Variants in GRIN1 observed in about 807,000 individuals in gnomAD.
The protein encoded by GRIN1 is glutamate receptor ionotropic, NMDA 1.
Under a neutral mutation model 103.0 loss-of-function variants are expected in GRIN1, and 38 were observed. The observed-to-expected ratio is 0.37, with a 90% CI of 0.28 to 0.48. The LOEUF is 0.48. Among genes scored for constraint, GRIN1 ranks in the 20% least tolerant of loss-of-function variants. The pLI is 0.98. For synonymous variants in GRIN1, 544 were observed against 532.7 expected (o/e 1.02, Z -0.29); for missense variants, 577 against 1,288.9 (o/e 0.45, Z 8.46).
chr9:137,153,160 CATA>C (rs1362254686), intron 4 of GRIN1, among the ~76,000 whole-genome samples: 1 of 151,946 alleles, frequency 6.6e-6, no homozygotes, highest in East Asian at 1.9e-4. Context: ...TCACACCACT[CATA>C]GATCTCTACC....
intron 3 of GRIN1, among the ~76,000 whole-genome samples, chr9:137,147,957 G>T (rs1487725105): frequency 6.6e-6 from 1 of 151,854 alleles, no homozygotes. Context: ...CCACGGCCCC[G>T]CCCCTACGAC....
Position 137,165,491 on chromosome 9 carries a change from T to C in GRIN1, c.2700+195T>C, listed in dbSNP as rs551524425. The C allele has an allele frequency of 2.1e-5, 13 of 625,182 alleles. No individual in the cohort carries two copies. The East Asian group carries it at 3.6e-4, about 18-fold the overall frequency. The allele number at this position is 625,182 out of a possible 1,614,324, so 38.7% of individuals were successfully genotyped here. A position where few individuals can be genotyped will look rare whatever the true frequency, so the allele number is the denominator to read the frequency against. ...TCTGGACCTTTCTCCCCGGCCCTCC[T>C]GGGTCCTCGGCTTTCCCCGTGTGTC... is the stretch of plus-strand genomic sequence containing the variant. On this transcript the variant is annotated intron_variant, in intron 19 of 19. Transcript: ENST00000371561.
intron 4 of GRIN1, among the ~76,000 whole-genome samples, chr9:137,151,579 C>A (rs530744707): frequency 1.4e-4 from 21 of 151,800 alleles, no homozygotes; most frequent in East Asian, 5.8e-4. Flanking sequence ...AGGGAAAGCC[C>A]CACCCAGTGA....
At chr9:137,150,133 C>T (rs1333184725) in intron 4 of GRIN1, among the ~76,000 whole-genome samples, 4 of 152,180 alleles carry the variant, frequency 2.6e-5, no homozygotes, top group African/African-American at 4.8e-5. Flanking sequence ...CACTAATCGT[C>T]CCCCATTACG....
Position 137,145,840 on chromosome 9 carries a change from G to T in GRIN1, c.508G>T (p.Asp170Tyr). ...WNHIILLVSD[D>Y]HEGRAAQKRL... ...CCACATCATCCTGCTGGTCAGCGAC[G>T]ACCACGAGGGCCGGGCGGCTCAGAA... is the stretch of plus-strand genomic sequence containing the variant. The change falls in exon 3 of 20, where the codon GAC becomes TAC. Residue 170 changes from aspartate to tyrosine, a missense_variant. Asp to Tyr is a radical substitution (Grantham distance 160). Coordinates refer to ENST00000371561, the MANE Select transcript of GRIN1 (RefSeq NM_007327.4). 6.2e-7 allele frequency: 1 copy of T among 1,612,242 alleles called. No homozygotes were observed. Among genetic ancestry groups the T allele is most frequent in the South Asian group, 1.1e-5 (1 of 90,702 alleles).
chr9:137,156,942 C>G lies in GRIN1; in HGVS notation c.873C>G (p.Ala291=). The part of the protein sequence containing the change: ...ISDAVGVVAQ[A]VHELLEKENI... Reference sequence around the variant, plus strand: ...ACGCCGTGGGCGTGGTGGCCCAGGCCGTGCACGAGCTCCTCGAGAAGGAGA... The same window carrying G: ...ACGCCGTGGGCGTGGTGGCCCAGGCGGTGCACGAGCTCCTCGAGAAGGAGA... The change falls in exon 6 of 20, where the codon GCC becomes GCG. Residue 291 remains alanine, a synonymous_variant. Coordinates refer to ENST00000371561, the MANE Select transcript of GRIN1 (RefSeq NM_007327.4). 6.2e-7 allele frequency: 1 copy of G among 1,612,116 alleles called. No individual in the cohort carries two copies. The highest frequency in any genetic ancestry group is 8.5e-7 in the Non-Finnish European group (1 of 1,179,790).
intron 2 of GRIN1, among the ~76,000 whole-genome samples, chr9:137,144,785 GGT>G (rs1832413395): frequency 1.6e-4 from 2 of 12,606 alleles, no homozygotes; most frequent in Non-Finnish European, 2.9e-4. Flanking sequence ...GTGTCCCCAG[GGT>G]GGTAGGGACA....
At chr9:137,161,880 G>C in intron 10 of GRIN1, 44 bp from the exon 11 acceptor site, 1 of 1,543,870 alleles carries the variant, frequency 6.5e-7, no homozygotes, top group Non-Finnish European at 8.7e-7. Flanking sequence ...GGCGGGAGCT[G>C]GGAGGACGCT....
chr9:137,142,229 C>G (rs1056522179), intron 2 of GRIN1, 82 bp downstream of exon 2: 1 of 1,424,534 alleles, frequency 7.0e-7, no homozygotes, highest in African/African-American at 1.4e-5. Context: ...CGGGCCGACC[C>G]GCTCACATGG....
At chr9:137,165,709 C>G (rs900875883) in intron 19 of GRIN1, among the ~76,000 whole-genome samples, 7 of 152,230 alleles carry the variant, frequency 4.6e-5, no homozygotes, top group African/African-American at 1.7e-4. Context: ...GTCCCCGTTT[C>G]TCTCGCCTCT....
rs1338045893 is a variant in GRIN1 at position 137,139,696 on chromosome 9, C to A, written c.210C>A (p.Asn70Lys). The change falls in exon 1 of 20, where the codon AAC becomes AAA. Residue 70 changes from asparagine (N) to lysine (K), a missense_variant. This residue lies in a region of GRIN1 where 308 missense variants were observed against 553.6 expected (regional missense o/e 0.56). Coordinates refer to ENST00000371561, the MANE Select transcript of GRIN1 (RefSeq NM_007327.4). The surrounding 1 kb of genome is among the most constrained non-coding windows in gnomAD (Gnocchi z 7.7). ...LNATSVTHKP[N>K]AIQMALSVCE... is the part of the protein sequence containing the mutation. ...CCACCTCCGTCACGCACAAGCCCAACGCCATCCAGATGGCTCTGTCGGTGT... is the reference window on the plus strand; with the variant it reads ...CCACCTCCGTCACGCACAAGCCCAAAGCCATCCAGATGGCTCTGTCGGTGT... The A allele has an allele frequency of 1.2e-6, 2 of 1,613,932 alleles. No individual in the cohort carries two copies. Among genetic ancestry groups the A allele is most frequent in the Non-Finnish European group, 8.5e-7 (1 of 1,179,946 alleles).
intron 1 of GRIN1, among the ~76,000 whole-genome samples, chr9:137,140,989 A>G (rs561120560): frequency 6.1e-4 from 93 of 152,254 alleles, no homozygotes; most frequent in African/African-American, 2.2e-3. Context: ...CTGCAGTCAC[A>G]TATTCCATCT....
chr9:137,165,241 C>A lies in GRIN1; in HGVS notation c.2645C>A (p.Ala882Asp). The stretch of plus-strand genomic sequence containing the variant: ...CCTAAAAAGAAAGCCACATTTAGGG[C>A]TATCACCTCCACCCTGGCTTCCAGC... ...PDPKKKATFR[A>D]ITSTLASSFK... The change falls in exon 19 of 20, where the codon GCT becomes GAT. Residue 882 changes from alanine to aspartate, a missense_variant. By Grantham distance (126) the Ala-to-Asp change is moderately radical (BLOSUM62 -2). Transcript: ENST00000371561. 6.2e-7 allele frequency: 1 copy of A among 1,612,728 alleles called. No individual in the cohort carries two copies. Among genetic ancestry groups the A allele is most frequent in the Non-Finnish European group, 8.5e-7 (1 of 1,179,568 alleles).
In GRIN1 at chr9:137,146,156, C is replaced by T. The variant is rs1370592672; in HGVS notation, c.570+254C>T. On this transcript the variant is annotated intron_variant, in intron 3 of 19. Transcript: ENST00000371561. The surrounding 1 kb of genome is among the most constrained non-coding windows in gnomAD (Gnocchi z 6.7). ...TGGAGCTCCGCAAACACCCCTGCCC[C>T]GCGCTGCCGAGCGCCCTCGTCCCCT... Among the ~76,000 whole-genome samples, 3 of 152,156 alleles carry T rather than the reference C, an allele frequency of 2.0e-5. No homozygotes were observed. The highest frequency in any genetic ancestry group is 1.9e-4 in the East Asian group (1 of 5,200).
At chr9:137,155,402 T>G (rs1331590555) in intron 4 of GRIN1, among the ~76,000 whole-genome samples, 1 of 152,240 alleles carries the variant, frequency 6.6e-6, no homozygotes, top group Non-Finnish European at 1.5e-5. Flanking sequence ...CTGTTTTGTG[T>G]CACTGACATC....
chr9:137,158,821 T>G (rs1351000603), intron 8 of GRIN1, 117 bp downstream of exon 8: 1 of 774,584 alleles, frequency 1.3e-6, no homozygotes, highest in Non-Finnish European at 2.3e-6. Context: ...GAAGTGGGGG[T>G]GGGGCCTGCT....
chr9:137,165,370 C>A (rs1388515439), intron 19 of GRIN1, 74 bp downstream of exon 19: 1 of 957,574 alleles, frequency 1.0e-6, no homozygotes, highest in Non-Finnish European at 1.7e-6. Flanking sequence ...CGCCCCATCA[C>A]CCCGCCCCGG....
intron 8 of GRIN1, among the ~76,000 whole-genome samples, chr9:137,159,370 A>G (rs546462591): frequency 9.2e-5 from 14 of 152,260 alleles, no homozygotes; most frequent in African/African-American, 3.4e-4. Flanking sequence ...CGGTCATTCC[A>G]AGCCCTCAAA....
Position 137,163,410 on chromosome 9 carries a change from G to C in GRIN1, c.2333+80G>C, listed in dbSNP as rs960770636. 3.3e-6 allele frequency: 5 copies of C among 1,537,808 alleles called. No individual in the cohort carries two copies. The Admixed American group carries it at 8.4e-5, about 26-fold the overall frequency. On this transcript the variant is annotated intron_variant, in intron 16 of 19. Transcript: ENST00000371561. ...GCCCTCCCCAGTGCCAGACCACTCC[G>C]AGGCCACCACTGATTTCCCACCCAG...
Sources: allele counts gnomAD v4.1 joint callset (sites outside exome capture counted in the v4.1 genomes callset), GRCh38; gene constraint gnomAD v4.1.1; regional missense constraint gnomAD v4.1.1; non-coding constraint Gnocchi (gnomAD v3.1); transcripts MANE v1.5; gene names NCBI Gene and HGNC (gene_info 2026-07-23, HGNC 2026-07-21).